DENND2A: variants seen among roughly 807,000 people sequenced by gnomAD.
The protein encoded by DENND2A is DENN domain containing 2A.
DENND2A carries 53 observed loss-of-function variants against 105.3 expected under a neutral mutation model. The observed-to-expected ratio is 0.50, with a 90% CI of 0.40 to 0.63. The LOEUF is 0.63. DENND2A is among the 30% of genes least tolerant of loss of function. The probability of loss-of-function intolerance (pLI) is 0.00; values close to 1 mark genes in which losing one functional copy is unlikely to be tolerated. For synonymous variants in DENND2A, 522 were observed against 508.4 expected, an observed-to-expected ratio of 1.03 and a Z score of -0.36; for missense variants, 1,138 against 1,279.6, an observed-to-expected ratio of 0.89 and a Z score of 1.69.
chr7:140,537,000 GTACT>G (rs1220777971), intron 14 of DENND2A, among the ~76,000 whole-genome samples: 1 of 152,184 alleles, frequency 6.6e-6, no homozygotes, highest in Non-Finnish European at 1.5e-5. Context: ...TGAACTAAAT[GTACT>G]TATCTCTAAG....
intron 12 of DENND2A, among the ~76,000 whole-genome samples, chr7:140,547,281 T>A (rs1280678739): frequency 6.6e-6 from 1 of 152,192 alleles, no homozygotes; most frequent in Non-Finnish European, 1.5e-5. Flanking sequence ...AGAACTGGTT[T>A]TTGGGAGGAA....
chr7:140,623,891 G>A (rs1030778290), intron 1 of DENND2A, among the ~76,000 whole-genome samples: 6 of 152,160 alleles, frequency 3.9e-5, no homozygotes, highest in Admixed American at 1.3e-4. Flanking sequence ...TGACATGGAT[G>A]AAGGAGAAAT....
chr7:140,582,990 A>C (rs1410469621), intron 5 of DENND2A, among the ~76,000 whole-genome samples: 1 of 152,082 alleles, frequency 6.6e-6, no homozygotes, highest in Admixed American at 6.6e-5. Flanking sequence ...AGTTGGGGAG[A>C]TGTTTTTAAG....
chr7:140,520,825 C>T (rs556514184), intron 18 of DENND2A, among the ~76,000 whole-genome samples: 10 of 151,336 alleles, frequency 6.6e-5, no homozygotes, highest in Non-Finnish European at 1.0e-4. Flanking sequence ...TCTCAAAGTG[C>T]TGGGATTACA....
At chr7:140,563,776 C>G (rs533723125) in intron 9 of DENND2A, among the ~76,000 whole-genome samples, 8 of 150,418 alleles carry the variant, frequency 5.3e-5, no homozygotes, top group South Asian at 4.2e-4. Flanking sequence ...GAATTCGAGG[C>G]CAGCCTGGGC....
At chr7:140,639,390 G>A (rs1801091484) in intron 1 of DENND2A, among the ~76,000 whole-genome samples, 1 of 151,876 alleles carries the variant, frequency 6.6e-6, no homozygotes, top group Non-Finnish European at 1.5e-5. Context: ...AGGACTGGAG[G>A]CCAGCCTCCC....
intron 5 of DENND2A, among the ~76,000 whole-genome samples, chr7:140,580,332 T>G (rs1021115635): frequency 6.6e-6 from 1 of 152,210 alleles, no homozygotes; most frequent in East Asian, 1.9e-4. Flanking sequence ...CATGTATGTA[T>G]GTATTTATTT....
intron 1 of DENND2A, among the ~76,000 whole-genome samples, chr7:140,611,460 C>T (rs1799895683): frequency 2.0e-5 from 3 of 152,086 alleles, no homozygotes; most frequent in Admixed American, 2.0e-4. Flanking sequence ...ATCATTTGAG[C>T]CTGGGAGGTT....
intron 5 of DENND2A, among the ~76,000 whole-genome samples, chr7:140,584,577 C>T (rs535044509): frequency 1.8e-4 from 27 of 152,316 alleles, no homozygotes; most frequent in African/African-American, 5.8e-4. Context: ...CCATCTATAT[C>T]AATAAGGTTA....
At chr7:140,554,852 T>C (rs2130554623) in intron 12 of DENND2A, among the ~76,000 whole-genome samples, 1 of 152,338 alleles carries the variant, frequency 6.6e-6, no homozygotes, top group South Asian at 2.1e-4. Flanking sequence ...CCAAATTATA[T>C]GAATATTTTG....
intron 8 of DENND2A, 139 bp from the exon 9 acceptor site, chr7:140,567,412 A>G (rs1246767309): frequency 9.8e-6 from 7 of 711,662 alleles, no homozygotes; most frequent in Non-Finnish European, 1.5e-5. Context: ...GCAATAGGTT[A>G]TGTAATTATC....
chr7:140,587,618 A>C (rs138274867), intron 4 of DENND2A, 35 bp downstream of exon 4: 16 of 1,611,862 alleles, frequency 9.9e-6, no homozygotes, highest in Non-Finnish European at 1.4e-5. Context: ...TCCCAGACAG[A>C]CTCAGATCCG....
chr7:140,593,676 T>C lies in DENND2A; in HGVS notation c.996-5896A>G, dbSNP rs141184622. On this transcript the variant is annotated intron_variant, in intron 3 of 19. Coordinates refer to ENST00000496613, the MANE Select transcript of DENND2A (RefSeq NM_015689.5). ...TAGGTCTGAAACCTGGAAATCAGAC[T>C]CCTAGCCTCCCTCCCACTTACTGCC... Among the ~76,000 whole-genome samples, 469 of 152,290 alleles carry C rather than the reference T, an allele frequency of 3.1e-3. 3 individuals carry two copies. Among genetic ancestry groups the C allele is most frequent in the African/African-American group, 0.011 (440 of 41,570 alleles).
chr7:140,573,708 A>T, intron 6 of DENND2A, 100 bp downstream of exon 6: 6 of 1,326,530 alleles, frequency 4.5e-6, no homozygotes, highest in African/African-American at 1.5e-5. Context: ...CAGGTGGGAG[A>T]GGGGCCAGTG....
intron 12 of DENND2A, among the ~76,000 whole-genome samples, chr7:140,551,124 A>T (rs1797118575): frequency 1.3e-5 from 2 of 151,276 alleles, no homozygotes; most frequent in Admixed American, 1.3e-4. Context: ...AACATGGTGA[A>T]ATCCCGTCTC....
Position 140,601,769 on chromosome 7 carries a change from C to A in DENND2A, c.629G>T (p.Gly210Val). 1 of 1,614,006 alleles carries A rather than the reference C, an allele frequency of 6.2e-7. No homozygotes were observed. The highest frequency in any genetic ancestry group is 1.1e-5 in the South Asian group (1 of 91,074). Residue 210 changes from glycine to valine, a missense_variant, in exon 3 of 20, where the codon GGC becomes GTC. Physicochemically the swap from Gly to Val is moderately radical, Grantham distance 109. This residue lies in a region of DENND2A where 511 missense variants were observed against 499.9 expected (regional missense o/e 1.02). Coordinates refer to ENST00000496613, the MANE Select transcript of DENND2A (RefSeq NM_015689.5). ...TLPENLGGGS[G>V]SEVSQRVHPS... Reference sequence around the variant, plus strand: ...GTGGACCCTCTGGCTGACTTCTGAGCCACTCCCGCCTCCCAGGTTCTCAGG... The same window carrying A: ...GTGGACCCTCTGGCTGACTTCTGAGACACTCCCGCCTCCCAGGTTCTCAGG...
chr7:140,582,964 G>A (rs762729275), intron 5 of DENND2A, among the ~76,000 whole-genome samples: 6 of 152,052 alleles, frequency 3.9e-5, no homozygotes, highest in African/African-American at 7.2e-5. Context: ...TTTTGACCTT[G>A]AGGAATTTAT....
chr7:140,578,899 C>T (rs1798417089), intron 5 of DENND2A, among the ~76,000 whole-genome samples: 1 of 152,068 alleles, frequency 6.6e-6, no homozygotes, highest in Non-Finnish European at 1.5e-5. Flanking sequence ...AATAGAAAGG[C>T]TTACAAGGGC....
At chr7:140,525,640 G>T (rs1327008370) in intron 16 of DENND2A, 111 bp downstream of exon 16, 2 of 1,004,316 alleles carry the variant, frequency 2.0e-6, no homozygotes, top group African/African-American at 1.7e-5. Flanking sequence ...ACACAGCTCT[G>T]CCACCCTGCT....
Sources: allele counts gnomAD v4.1 joint callset (sites outside exome capture counted in the v4.1 genomes callset), GRCh38; gene constraint gnomAD v4.1.1; regional missense constraint gnomAD v4.1.1; transcripts MANE v1.5; gene names NCBI Gene and HGNC (gene_info 2026-07-23, HGNC 2026-07-21).